Variants in GDA observed in about 807,000 individuals in gnomAD.
GDA encodes the protein guanine deaminase, also known as cytoplasmic PSD-95 interactor.
GDA carries 18 observed loss-of-function variants against 59.6 expected under a neutral mutation model. That is an observed-to-expected ratio of 0.30 (90% CI 0.21 to 0.45). The LOEUF is 0.45. GDA is among the 20% of genes least tolerant of loss of function. GDA has a pLI of 1.00. For synonymous variants in GDA, 201 were observed against 201.1 expected (o/e 1.00, Z 0.00); for missense variants, 427 against 552.3 (o/e 0.77, Z 2.27).
intron 1 of GDA, among the ~76,000 whole-genome samples, chr9:72,116,401 T>TTTC (rs1359673426): frequency 6.6e-6 from 1 of 150,480 alleles, no homozygotes; most frequent in Non-Finnish European, 1.5e-5. Flanking sequence ...TTTTTTTTTT[T>TTTC]TGAGATGGAG....
At chr9:72,177,607 A>C (rs1830694639) in intron 1 of GDA, among the ~76,000 whole-genome samples, 1 of 152,218 alleles carries the variant, frequency 6.6e-6, no homozygotes, top group Non-Finnish European at 1.5e-5. Flanking sequence ...CATCAATAGT[A>C]GATTGAACAG....
chr9:72,122,020 C>G (rs980470301), intron 1 of GDA, among the ~76,000 whole-genome samples: 2 of 151,986 alleles, frequency 1.3e-5, no homozygotes, highest in African/African-American at 2.4e-5. Flanking sequence ...CACTGTCTAC[C>G]CCTTATGTGT....
upstream of GDA, among the ~76,000 whole-genome samples, chr9:72,148,842 G>A (rs1826814838): frequency 6.6e-6 from 1 of 152,132 alleles, no homozygotes; most frequent in Non-Finnish European, 1.5e-5. Flanking sequence ...TGTACAACTG[G>A]AAGTAAATAA....
At chr9:72,174,593 A>T (rs962675224) in intron 1 of GDA, among the ~76,000 whole-genome samples, 3 of 152,160 alleles carry the variant, frequency 2.0e-5, no homozygotes, top group Non-Finnish European at 4.4e-5. Flanking sequence ...TGGTGCTATG[A>T]GGATCGTTAA....
downstream of GDA, chr9:72,252,273 A>G (rs1028921510): frequency 1.3e-5 from 2 of 152,568 alleles, no homozygotes; most frequent in African/African-American, 2.4e-5. Context: ...AATTCTATCA[A>G]TCTGCTGGAA....
intron 3 of GDA, among the ~76,000 whole-genome samples, chr9:72,203,777 C>T (rs1390503601): frequency 6.6e-6 from 1 of 151,988 alleles, no homozygotes; most frequent in Admixed American, 6.6e-5. Flanking sequence ...TTTGGTCTTG[C>T]ATCATTCCAG....
At position 72,155,694 on chromosome 9, in the gene GDA, T is replaced by C. The variant is rs1037750811; in HGVS notation, c.123+6012T>C. On this transcript the variant is annotated intron_variant, in intron 1 of 13. Coordinates refer to ENST00000358399, the MANE Select transcript of GDA (RefSeq NM_004293.5). ...TATAAAGGTCTAACTTCAGGATAAA[T>C]GCATTGAAGAGAAGTTGAGTGCAGG... Among the ~76,000 whole-genome samples the C allele has an allele frequency of 3.9e-5, 6 of 152,160 alleles. No individual in the cohort carries two copies. The South Asian group carries it at 1.2e-3, about 32-fold the overall frequency.
At chr9:72,232,136 A>G (rs183525828) in intron 10 of GDA, among the ~76,000 whole-genome samples, 1 of 152,316 alleles carries the variant, frequency 6.6e-6, no homozygotes, top group South Asian at 2.1e-4. Context: ...TTTATGACTG[A>G]ATGACTGAAT....
chr9:72,191,648 C>T (rs955557829), intron 1 of GDA, among the ~76,000 whole-genome samples: 2 of 152,038 alleles, frequency 1.3e-5, no homozygotes, highest in African/African-American at 2.4e-5. Context: ...TGCAATGGCG[C>T]AATCTCGGCT....
chr9:72,181,465 C>T (rs566603105), intron 1 of GDA, among the ~76,000 whole-genome samples: 1 of 152,128 alleles, frequency 6.6e-6, no homozygotes, highest in Non-Finnish European at 1.5e-5. Flanking sequence ...ACTGGGATTA[C>T]AAGCGCCCGC....
At chr9:72,228,171 T>C (rs2131627248) in intron 9 of GDA, 131 bp downstream of exon 9, 1 of 651,834 alleles carries the variant, frequency 1.5e-6, no homozygotes, top group South Asian at 1.8e-5. Flanking sequence ...CCCAGATAGA[T>C]AGACATTTAC....
intron 1 of GDA, among the ~76,000 whole-genome samples, chr9:72,168,370 G>C (rs2130920741): frequency 6.7e-6 from 1 of 150,346 alleles, no homozygotes; most frequent in Non-Finnish European, 1.5e-5. Flanking sequence ...TCCAAACTGG[G>C]CAACACACTG....
chr9:72,248,859 A>C lies in GDA; in HGVS notation c.*517A>C, dbSNP rs1263777830. 1 of 983,516 alleles carries C rather than the reference A, an allele frequency of 1.0e-6. No individual in the cohort carries two copies. The highest frequency in any genetic ancestry group is 1.2e-6 in the Non-Finnish European group (1 of 827,836). The allele number at this position is 983,516 out of a possible 1,614,324, so 60.9% of individuals were successfully genotyped here. A position where few individuals can be genotyped will look rare whatever the true frequency, so the allele number is the denominator to read the frequency against. On this transcript the variant is annotated 3_prime_UTR_variant, in exon 14 of 14. Transcript: ENST00000358399. ...ACTGAGCATACTAATTTAAAAAGAG[A>C]ACTTGTTGAAATTTAAAACGTGTTT...
chr9:72,240,635 A>G (rs990567490), intron 10 of GDA, among the ~76,000 whole-genome samples: 10 of 152,196 alleles, frequency 6.6e-5, no homozygotes, highest in African/African-American at 2.2e-4. Flanking sequence ...TCCTAAATCC[A>G]GTGATCAATA....
chr9:72,185,811 T>C (rs1831799502), intron 1 of GDA, among the ~76,000 whole-genome samples: 1 of 152,168 alleles, frequency 6.6e-6, no homozygotes, highest in South Asian at 2.1e-4. Flanking sequence ...TGACAGCCAT[T>C]ACTCATCTGC....
chr9:72,174,950 G>A lies in GDA; in HGVS notation c.124-20550G>A, dbSNP rs781025483. Among the ~76,000 whole-genome samples, 9 of 152,174 alleles carry A rather than the reference G, an allele frequency of 5.9e-5. No homozygotes were observed. The Middle Eastern group carries it at 0.01, about 173-fold the overall frequency. On this transcript the variant is annotated intron_variant, in intron 1 of 13. Transcript: ENST00000358399. ...AGAGGGAAGATCATGTGTCAAGGCC[G>A]TATGGAGGCAAGGAGCAGAGTGCTT... is the stretch of plus-strand genomic sequence containing the variant.
chr9:72,137,190 A>G (rs577072180), intron 1 of GDA, among the ~76,000 whole-genome samples: 43 of 119,540 alleles, frequency 3.6e-4, no homozygotes, highest in African/African-American at 1.2e-3. Context: ...AAAAATTAAA[A>G]AATAAATAAA....
intron 9 of GDA, 29 bp downstream of exon 9, chr9:72,228,069 T>C (rs1417570248): frequency 8.1e-7 from 1 of 1,238,096 alleles, no homozygotes; most frequent in Non-Finnish European, 1.2e-6. Flanking sequence ...TTTGGTAGAT[T>C]ACGAATGATT....
intron 3 of GDA, among the ~76,000 whole-genome samples, chr9:72,206,857 G>A (rs1834782112): frequency 6.6e-6 from 1 of 151,632 alleles, no homozygotes; most frequent in South Asian, 2.1e-4. Flanking sequence ...ATTCATTTTT[G>A]TTGGAATATA....
Sources: gnomAD v4.1 joint callset for allele counts (sites outside exome capture counted in the v4.1 genomes callset) on GRCh38, gnomAD v4.1.1 for gene constraint, MANE v1.5 for transcripts, NCBI Gene and HGNC (gene_info 2026-07-23, HGNC 2026-07-21) for gene names.